ZNF831: variants seen among roughly 807,000 people sequenced by gnomAD.
ZNF831 encodes zinc finger protein 831.
ZNF831 carries 59 observed loss-of-function variants against 95.8 expected under a neutral mutation model. The ratio of observed to expected loss-of-function variants is 0.62; its 90% CI spans 0.50 to 0.77. The LOEUF is 0.77. Among genes scored for constraint, ZNF831 ranks in the 30% least tolerant of loss-of-function variants. The probability of loss-of-function intolerance (pLI) is 0.00; values close to 1 mark genes in which losing one functional copy is unlikely to be tolerated. For synonymous variants in ZNF831, 961 were observed against 925.5 expected (o/e 1.04, Z -0.70); for missense variants, 2,205 against 2,164.0 (o/e 1.02, Z -0.38).
chr20:59,229,282 T>C lies in ZNF831; in HGVS notation c.4027+22226T>C, dbSNP rs1000824759. ...GGCAGTAAACATGGGAGTGCAACTA[T>C]CTCTTTGGTATAATGATTTCCCTTC... is the stretch of plus-strand genomic sequence containing the variant. On this transcript the variant is annotated intron_variant, in intron 4 of 5. Coordinates refer to ENST00000371030, the MANE Select transcript of ZNF831 (RefSeq NM_178457.3). 5.3e-5 allele frequency among the ~76,000 whole-genome samples: 8 copies of C among 152,174 alleles called. No homozygotes were observed. In the East Asian group the frequency reaches 1.5e-3, roughly 29 times the overall value.
intron 4 of ZNF831, among the ~76,000 whole-genome samples, chr20:59,216,234 T>G (rs1038503350): frequency 1.3e-5 from 2 of 152,184 alleles, no homozygotes; most frequent in Non-Finnish European, 2.9e-5. Flanking sequence ...ATTTTCTCAA[T>G]TTTTGTAAGG....
At chr20:59,181,665 A>G (rs1462255066) in intron 1 of ZNF831, among the ~76,000 whole-genome samples, 2 of 152,010 alleles carry the variant, frequency 1.3e-5, no homozygotes, top group Non-Finnish European at 2.9e-5. Context: ...TTTGTCGAAG[A>G]TCAGATGGTT....
rs930238173 is a variant in ZNF831 at position 59,210,905 on chromosome 20, C to T, written c.4027+3849C>T. Among the ~76,000 whole-genome samples, 23 of 79,698 alleles carry T rather than the reference C, an allele frequency of 2.9e-4. 6 individuals are homozygous for T. Among genetic ancestry groups the T allele is most frequent in the African/African-American group, 1.5e-3 (21 of 14,176 alleles). The allele number at this position is 79,698 out of a possible 152,430, so 52.3% of individuals were successfully genotyped here. A position where few individuals can be genotyped will look rare whatever the true frequency, so the allele number is the denominator to read the frequency against. On this transcript the variant is annotated intron_variant, in intron 4 of 5. Transcript: ENST00000371030. ...AAAATTAGCCGGGCGCGGTGGCGGG[C>T]GCCTGTAGTCCCAGCTACTCGGGAG...
chr20:59,211,986 A>G (rs531325581), intron 4 of ZNF831, among the ~76,000 whole-genome samples: 212 of 136,680 alleles, frequency 1.6e-3, no homozygotes, highest in Admixed American at 2.5e-3. Flanking sequence ...GGTGGGTGGG[A>G]TTTCTCAATT....
chr20:59,127,226 C>T (rs1010846751), intron 1 of ZNF831, among the ~76,000 whole-genome samples: 5 of 152,180 alleles, frequency 3.3e-5, no homozygotes, highest in Non-Finnish European at 5.9e-5. Context: ...CCATTTGTCG[C>T]ACCTCCATCA....
chr20:59,228,058 A>T (rs992992029), intron 4 of ZNF831, among the ~76,000 whole-genome samples: 1 of 152,260 alleles, frequency 6.6e-6, no homozygotes, highest in Admixed American at 6.5e-5. Flanking sequence ...CATCATAAAT[A>T]TATAACATAT....
intron 4 of ZNF831, among the ~76,000 whole-genome samples, chr20:59,247,540 C>G (rs1987677839): frequency 6.6e-6 from 1 of 152,118 alleles, no homozygotes; most frequent in Non-Finnish European, 1.5e-5. Flanking sequence ...AATAACTGTC[C>G]ACAAAGTTAT....
chr20:59,139,601 C>T (rs761680069), intron 1 of ZNF831, among the ~76,000 whole-genome samples: 34 of 152,180 alleles, frequency 2.2e-4, no homozygotes, highest in Non-Finnish European at 4.1e-4. Context: ...GAAAAGAATC[C>T]GAGATTGGAC....
intron 4 of ZNF831, among the ~76,000 whole-genome samples, chr20:59,237,156 T>G (rs1488549213): frequency 6.6e-6 from 1 of 152,162 alleles, no homozygotes; most frequent in Non-Finnish European, 1.5e-5. Context: ...CCTTTCCTAG[T>G]TAGGGGGCCA....
chr20:59,249,901 G>A (rs1201025286), intron 4 of ZNF831, among the ~76,000 whole-genome samples: 3 of 152,138 alleles, frequency 2.0e-5, no homozygotes, highest in African/African-American at 7.2e-5. Flanking sequence ...AAGGAGAAAC[G>A]ACTTGGAGAA....
chr20:59,152,835 G>T lies in ZNF831; in HGVS notation c.-1281+6461G>T, dbSNP rs1980323965. 4.6e-5 allele frequency among the ~76,000 whole-genome samples: 7 copies of T among 152,108 alleles called. No individual in the cohort carries two copies. The South Asian group carries it at 1.5e-3, about 32-fold the overall frequency. On this transcript the variant is annotated intron_variant, in intron 2 of 7. Transcript: ENST00000637017. ...TGCAGGCAACCAGAAGTGGGGCTTG[G>T]GAAGTGGCTGAGGAAGTGGGCAGAG...
At chr20:59,184,885 C>G (rs1407969148) in intron 1 of ZNF831, among the ~76,000 whole-genome samples, 1 of 152,212 alleles carries the variant, frequency 6.6e-6, no homozygotes, top group African/African-American at 2.4e-5. Flanking sequence ...GTTCCCCTCT[C>G]CTCCATAAAG....
chr20:59,132,205 A>G (rs1176687941), intron 1 of ZNF831, among the ~76,000 whole-genome samples: 5 of 152,076 alleles, frequency 3.3e-5, no homozygotes, highest in African/African-American at 1.2e-4. Flanking sequence ...GTAGCATTCT[A>G]TCAGCATTTT....
Position 59,258,425 on chromosome 20 carries a change from C to A in ZNF831, c.*3682C>A, listed in dbSNP as rs1302321479. On this transcript the variant is annotated 3_prime_UTR_variant, in exon 6 of 6. Transcript: ENST00000371030. ...CATTACTTAGAATGATCACATTATT[C>A]ATTTTTTTCCCCAGCACAGAAATTT... 2 of 152,620 alleles carry A rather than the reference C, an allele frequency of 1.3e-5. No homozygotes were observed. The highest frequency in any genetic ancestry group is 4.8e-5 in the African/African-American group (2 of 41,440). The allele number at this position is 152,620 out of a possible 1,614,324, so 9.5% of individuals were successfully genotyped here.
chr20:59,195,909 A>C lies in ZNF831; in HGVS notation c.3779A>C (p.Gln1260Pro), dbSNP rs1306245400. The C allele has an allele frequency of 6.2e-7, 1 of 1,614,198 alleles. No individual in the cohort carries two copies. Among genetic ancestry groups the C allele is most frequent in the East Asian group, 2.2e-5 (1 of 44,884 alleles). ...GTCCCAGGGGTGATGCCCCAGCACCAGGTGTCTGAGCCAGAATGGAAGAAA... is the reference window on the plus strand; with the variant it reads ...GTCCCAGGGGTGATGCCCCAGCACCCGGTGTCTGAGCCAGAATGGAAGAAA... ...PTVPGVMPQHQVSEPEWKKGL... is the reference protein window; with the variant it reads ...PTVPGVMPQHPVSEPEWKKGL... Residue 1260 changes from glutamine (Q) to proline (P), a missense_variant, in exon 3 of 6, where the codon CAG becomes CCG. Gln to Pro is a moderately conservative substitution (Grantham distance 76). Coordinates refer to ENST00000371030, the MANE Select transcript of ZNF831 (RefSeq NM_178457.3).
chr20:59,155,538 G>A (rs1980488564), intron 2 of ZNF831, among the ~76,000 whole-genome samples: 2 of 152,314 alleles, frequency 1.3e-5, no homozygotes, highest in South Asian at 2.1e-4. Context: ...GAATGAGGGG[G>A]TAGCAAATTG....
At position 59,192,869 on chromosome 20, in the gene ZNF831, A is replaced by C; in HGVS notation, c.1850A>C (p.Gln617Pro). Residue 617 changes from glutamine (Q) to proline (P), a missense_variant, in exon 2 of 6, where the codon CAG (glutamine) becomes CCG (proline). Gln to Pro is a moderately conservative substitution (Grantham distance 76, BLOSUM62 -1). Coordinates refer to ENST00000371030, the MANE Select transcript of ZNF831 (RefSeq NM_178457.3). The surrounding 1 kb of genome is among the most constrained non-coding windows in gnomAD (Gnocchi z 5.2). ...CGQRRLKMFS[Q>P]EKWQVYGDET... ...CAGAGAAGGCTGAAGATGTTCTCCC[A>C]GGAGAAGTGGCAGGTGTACGGGGAT... 2 of 1,601,336 alleles carry C rather than the reference A, an allele frequency of 1.2e-6. No individual in the cohort carries two copies. The highest frequency in any genetic ancestry group is 1.7e-6 in the Non-Finnish European group (2 of 1,173,744).
rs955485347 is a variant in ZNF831, at chr20:59,258,957, G to A, written c.*4214G>A. 3.9e-5 allele frequency: 6 copies of A among 152,132 alleles called. No individual in the cohort carries two copies. Among genetic ancestry groups the A allele is most frequent in the African/African-American group, 9.7e-5 (4 of 41,434 alleles). 9.4% of individuals were successfully genotyped at this position (152,132 alleles called of 1,614,324 possible). A position where few individuals can be genotyped will look rare whatever the true frequency, so the allele number is the denominator to read the frequency against. ...GCCACTTGGAGCACTAGAGGATGAC[G>A]GAATGTCTTGTATATGCGGTCAACT... is the stretch of plus-strand genomic sequence containing the variant. On this transcript the variant is annotated 3_prime_UTR_variant, in exon 6 of 6. Transcript: ENST00000371030.
chr20:59,140,442 A>T (rs933234400), intron 1 of ZNF831, among the ~76,000 whole-genome samples: 1 of 152,198 alleles, frequency 6.6e-6, no homozygotes. Context: ...AAACCACAGA[A>T]CTTAGGCACC....
Sources: gnomAD v4.1 joint callset for allele counts (sites outside exome capture counted in the v4.1 genomes callset) on GRCh38, gnomAD v4.1.1 for gene constraint, Gnocchi (gnomAD v3.1) non-coding constraint, MANE v1.5 for transcripts, NCBI Gene and HGNC (gene_info 2026-07-23, HGNC 2026-07-21) for gene names.